Variants in RAB11FIP2 observed in about 807,000 individuals in gnomAD.
The protein encoded by RAB11FIP2 is RAB11 family interacting protein 2.
RAB11FIP2 carries 16 observed loss-of-function variants against 40.9 expected under a neutral mutation model. The observed-to-expected ratio is 0.39, with a 90% CI of 0.26 to 0.59. RAB11FIP2 has a LOEUF of 0.59. Ranked by LOEUF, RAB11FIP2 falls within the 20% of genes least tolerant of loss-of-function variation. The pLI, the probability that RAB11FIP2 is intolerant of heterozygous loss-of-function variation, is 0.53. For missense variants in RAB11FIP2, 532 were observed against 606.2 expected, an observed-to-expected ratio of 0.88 and a Z score of 1.28; for synonymous variants, 228 against 213.7, an observed-to-expected ratio of 1.07 and a Z score of -0.58.
intron 3 of RAB11FIP2, chr10:118,034,038 A>G: frequency 1.4e-6 from 1 of 701,722 alleles, no homozygotes; most frequent in Non-Finnish European, 2.6e-6. Context: ...TCAGCAAAGT[A>G]TTTCTGTAAA....
At chr10:118,040,076 T>G (rs778693474) in intron 2 of RAB11FIP2, 47 bp downstream of exon 2, 30 of 1,498,662 alleles carry the variant, frequency 2.0e-5, no homozygotes, top group Non-Finnish European at 2.7e-5. Flanking sequence ...CTTTAAAAAC[T>G]AAAAGGGTAG....
intron 1 of RAB11FIP2, 49 bp downstream of exon 1, chr10:118,045,762 T>C: frequency 1.4e-6 from 2 of 1,423,190 alleles, no homozygotes; most frequent in Middle Eastern, 1.8e-4. Context: ...AGAAAAACCA[T>C]AAATAAGATA....
At position 118,022,808 on chromosome 10, in the gene RAB11FIP2, T is replaced by G. The variant is rs188743165; in HGVS notation, c.1266-7698A>C. Reference sequence around the variant, plus strand: ...GCATGAAAAATTCCTAACAAAAGTATGCTGAATACATTAATAACCAGTACT... The same window carrying G: ...GCATGAAAAATTCCTAACAAAAGTAGGCTGAATACATTAATAACCAGTACT... On this transcript the variant is annotated intron_variant, in intron 3 of 4. Transcript: ENST00000355624. Among the ~76,000 whole-genome samples, 975 of 152,248 alleles carry G rather than the reference T, an allele frequency of 6.4e-3. 21 individuals are homozygous for G. The highest frequency in any genetic ancestry group is 0.043 in the Admixed American group (652 of 15,288).
chr10:118,039,841 T>C (rs1446249695), intron 2 of RAB11FIP2: 1 of 397,008 alleles, frequency 2.5e-6, no homozygotes, highest in African/African-American at 2.1e-5. Context: ...TGCTCAGGGT[T>C]TTGAGATAGC....
intron 3 of RAB11FIP2, among the ~76,000 whole-genome samples, chr10:118,027,968 T>A (rs1846365230): frequency 6.6e-6 from 1 of 152,136 alleles, no homozygotes; most frequent in Admixed American, 6.6e-5. Flanking sequence ...ACTGAACTGC[T>A]CTTTTCATCT....
rs1846542737 is a variant in RAB11FIP2, at chr10:118,040,442, T to C, written c.477A>G (p.Lys159=). ...ASMFDLSMKD[K]TRSPFAKLKD... ...TTAACTTTGCAAAAGGAGATCTGGT[T>C]TTGTCCTTCATTGATAAGTCAAACA... Residue 159 remains lysine, a synonymous_variant, in exon 2 of 5, where the codon AAA becomes AAG. Coordinates refer to ENST00000355624, the MANE Select transcript of RAB11FIP2 (RefSeq NM_014904.3). 2 of 1,613,700 alleles carry C rather than the reference T, an allele frequency of 1.2e-6. No individual in the cohort carries two copies. Among genetic ancestry groups the C allele is most frequent in the East Asian group, 2.2e-5 (1 of 44,882 alleles).
chr10:118,023,144 G>A (rs763531136), intron 3 of RAB11FIP2, among the ~76,000 whole-genome samples: 5 of 152,184 alleles, frequency 3.3e-5, no homozygotes, highest in Non-Finnish European at 5.9e-5. Context: ...ACCAGGATAG[G>A]TATTTGACAC....
At chr10:118,033,938 G>A (rs1465561575) in intron 3 of RAB11FIP2, 1 of 701,094 alleles carries the variant, frequency 1.4e-6, no homozygotes. Flanking sequence ...CTCGTCAGGT[G>A]GGCCTTCCAC....
intron 3 of RAB11FIP2, among the ~76,000 whole-genome samples, chr10:118,028,427 C>T (rs1285280445): frequency 6.6e-6 from 1 of 151,876 alleles, no homozygotes; most frequent in Non-Finnish European, 1.5e-5. Flanking sequence ...ATGTCTGGAT[C>T]CTAATAGTCT....
Position 118,009,136 on chromosome 10 carries a change from AAGG to A in RAB11FIP2, c.1398_1400del (p.Leu467del). ...CCCGGATGTGGGTGTCTTTCCTCCTAAGGAGTTCTTTGTGTTTCACCAGCTCCT... is the reference window on the plus strand; with the variant it reads ...CCCGGATGTGGGTGTCTTTCCTCCTAAGTTCTTTGTGTTTCACCAGCTCCT... On this transcript the variant is annotated inframe_deletion, in exon 5 of 5. Coordinates refer to ENST00000355624, the MANE Select transcript of RAB11FIP2 (RefSeq NM_014904.3). 1 of 1,613,530 alleles carries A rather than the reference AAGG, an allele frequency of 6.2e-7. No individual in the cohort carries two copies. Among genetic ancestry groups the A allele is most frequent in the Non-Finnish European group, 8.5e-7 (1 of 1,179,568 alleles).
chr10:118,037,880 C>T (rs879832593), intron 3 of RAB11FIP2, among the ~76,000 whole-genome samples: 7 of 151,986 alleles, frequency 4.6e-5, no homozygotes, highest in Admixed American at 1.3e-4. Flanking sequence ...CAAAATGGTA[C>T]AGTATTTGCA....
At chr10:118,037,726 T>C (rs574035737) in intron 3 of RAB11FIP2, among the ~76,000 whole-genome samples, 5 of 152,178 alleles carry the variant, frequency 3.3e-5, no homozygotes, top group East Asian at 1.9e-4. Flanking sequence ...CTCTATAATA[T>C]TGTCTTGAAG....
At chr10:118,027,121 A>T (rs573516518) in intron 3 of RAB11FIP2, among the ~76,000 whole-genome samples, 1 of 152,346 alleles carries the variant, frequency 6.6e-6, no homozygotes, top group Non-Finnish European at 1.5e-5. Context: ...TTCTGGATGC[A>T]CCATGTGTAA....
intron 3 of RAB11FIP2, among the ~76,000 whole-genome samples, chr10:118,036,974 C>T (rs182439472): frequency 1.3e-5 from 2 of 152,130 alleles, no homozygotes; most frequent in Admixed American, 1.3e-4. Context: ...TTTCCATATG[C>T]ACCCATAATG....
At chr10:118,029,904 G>C (rs926639457) in intron 3 of RAB11FIP2, among the ~76,000 whole-genome samples, 5 of 152,132 alleles carry the variant, frequency 3.3e-5, no homozygotes, top group Non-Finnish European at 7.4e-5. Flanking sequence ...TCTCAGACTT[G>C]AAGGTAGCAT....
In RAB11FIP2 at chr10:118,040,364, A is replaced by G. The variant is rs372256014; in HGVS notation, c.555T>C (p.Ser185=). The part of the protein sequence containing the change: ...KNDGTFSDTS[S]AIIPSTHMPD... Reference sequence around the variant, plus strand: ...GCATGTGAGTACTTGGAATGATTGCAGAAGACGTATCAGAAAATGTTCCAT... The same window carrying G: ...GCATGTGAGTACTTGGAATGATTGCGGAAGACGTATCAGAAAATGTTCCAT... The change falls in exon 2 of 5, where the codon TCT becomes TCC. Residue 185 remains serine, a synonymous_variant. Coordinates refer to ENST00000355624, the MANE Select transcript of RAB11FIP2 (RefSeq NM_014904.3). The G allele has an allele frequency of 4.7e-5, 76 of 1,613,726 alleles. No individual in the cohort carries two copies. Among genetic ancestry groups the G allele is most frequent in the Non-Finnish European group, 6.0e-5 (71 of 1,179,744 alleles).
rs1211687445 is a variant in RAB11FIP2 at position 118,008,438 on chromosome 10, CAATT to C, written c.*556_*559del. 2.0e-5 allele frequency: 3 copies of C among 153,280 alleles called. No homozygotes were observed. The highest frequency in any genetic ancestry group is 2.4e-5 in the African/African-American group (1 of 41,348). 9.5% of individuals were successfully genotyped at this position (153,280 alleles called of 1,614,324 possible). A position where few individuals can be genotyped will look rare whatever the true frequency, so the allele number is the denominator to read the frequency against. On this transcript the variant is annotated 3_prime_UTR_variant, in exon 5 of 5. Transcript: ENST00000355624. ...TTGGTAGCCTAACTTTAGAGGCAAT[CAATT>C]GTTTCTAAATGTTCTAAAAACACAT...
chr10:118,016,898 A>C (rs560035408), intron 3 of RAB11FIP2, among the ~76,000 whole-genome samples: 80 of 152,346 alleles, frequency 5.3e-4, no homozygotes, highest in African/African-American at 1.9e-3. Flanking sequence ...AACTACATGG[A>C]AAACACTTAG....
In RAB11FIP2 at chr10:118,008,875, A is replaced by T; in HGVS notation, c.*123T>A. 1 of 775,730 alleles carries T rather than the reference A, an allele frequency of 1.3e-6. No individual in the cohort carries two copies. The highest frequency in any genetic ancestry group is 2.1e-6 in the Non-Finnish European group (1 of 479,728). The allele number at this position is 775,730 out of a possible 1,614,324, so 48.1% of individuals were successfully genotyped here. On this transcript the variant is annotated 3_prime_UTR_variant, in exon 5 of 5. Transcript: ENST00000355624. ...ATATTTACAGGTAAAACTACTCTTC[A>T]CAATAAAGGAGAATATGTAATGAAA...
Sources: gnomAD v4.1 joint callset for allele counts (sites outside exome capture counted in the v4.1 genomes callset) on GRCh38, gnomAD v4.1.1 for gene constraint, MANE v1.5 for transcripts, NCBI Gene and HGNC (gene_info 2026-07-23, HGNC 2026-07-21) for gene names.